The following LRRIQ1 variants were observed in gnomAD, a reference collection of about 807,000 sequenced individuals.
The protein encoded by LRRIQ1 is leucine-rich repeat- and IQ domain-containing protein 1.
A neutral mutation model predicts 211.9 loss-of-function variants in LRRIQ1; 210 were observed. That is an observed-to-expected ratio of 0.99 (90% confidence interval 0.89 to 1.11). The LOEUF is 1.11. Among genes scored for constraint, LRRIQ1 ranks in the 50% most tolerant of loss-of-function variants. The pLI is 0.00. For missense variants in LRRIQ1, 2,136 were observed against 1,939.5 expected (o/e 1.10, Z -1.90); for synonymous variants, 699 against 650.1 (o/e 1.08, Z -1.14).
intron 1 of LRRIQ1, among the ~76,000 whole-genome samples, chr12:85,037,564 T>C (rs1395881103): frequency 6.6e-6 from 1 of 151,786 alleles, no homozygotes; most frequent in Non-Finnish European, 1.5e-5. Context: ...GTGGAAGTTA[T>C]GGGTAGAACT....
intron 1 of LRRIQ1, among the ~76,000 whole-genome samples, chr12:85,036,668 C>A (rs1045874116): frequency 4.3e-4 from 65 of 152,222 alleles, no homozygotes; most frequent in African/African-American, 1.6e-3. Flanking sequence ...CCCCACAAAC[C>A]AATTGACGTT....
chr12:85,226,301 C>T (rs1044347049), intron 24 of LRRIQ1, among the ~76,000 whole-genome samples: 2 of 152,054 alleles, frequency 1.3e-5, no homozygotes, highest in Admixed American at 6.6e-5. Flanking sequence ...CTCTCCATAT[C>T]AGGAGTAGGT....
chr12:85,263,205 T>C (rs1593037810), exon 2 of LRRIQ1: 2 of 306,018 alleles, frequency 6.5e-6, no homozygotes, highest in East Asian at 1.7e-4. Flanking sequence ...TGTTTTCTAG[T>C]GGAGCTATCT....
chr12:85,124,512 GA>G lies in LRRIQ1; in HGVS notation c.4006del (p.Ile1336LeufsTer6). ...GAATCACCAAAATATTGAGCCTAGT[GA>G]AAAAATGTAAGATATATAAATAATG... is the stretch of plus-strand genomic sequence containing the variant. ...LRNHQNIEPS[E>X]KIMAAVVIQS... is the part of the protein sequence containing the mutation. On this transcript the variant is annotated frameshift_variant, in exon 17 of 27. Transcript: ENST00000393217. LOFTEE classifies it high-confidence loss of function. 1 of 1,604,928 alleles carries G rather than the reference GA, an allele frequency of 6.2e-7. No homozygotes were observed. Among genetic ancestry groups the G allele is most frequent in the Non-Finnish European group, 8.5e-7 (1 of 1,175,494 alleles).
intron 1 of LRRIQ1, 26 bp from the exon 2 acceptor site, chr12:85,038,127 A>G (rs758449891): frequency 1.4e-6 from 2 of 1,386,404 alleles, no homozygotes; most frequent in Non-Finnish European, 9.5e-7. Context: ...TTAGTGACAT[A>G]TTAGCCTCTT....
At chr12:85,210,770 T>A (rs1040465882) in intron 24 of LRRIQ1, among the ~76,000 whole-genome samples, 1 of 133,742 alleles carries the variant, frequency 7.5e-6, no homozygotes, top group Non-Finnish European at 1.5e-5. Flanking sequence ...GACTATTTTT[T>A]AAAAAATGTT....
At chr12:85,043,839 C>T (rs1879207682) in intron 3 of LRRIQ1, among the ~76,000 whole-genome samples, 1 of 152,062 alleles carries the variant, frequency 6.6e-6, no homozygotes, top group Non-Finnish European at 1.5e-5. Flanking sequence ...ACTATACACT[C>T]CTGTCTCCCA....
chr12:85,071,762 A>C (rs1421824007), intron 10 of LRRIQ1, among the ~76,000 whole-genome samples: 2 of 152,062 alleles, frequency 1.3e-5, no homozygotes, highest in Non-Finnish European at 2.9e-5. Flanking sequence ...ACATGGTGGC[A>C]GGCCAAAGGG....
In LRRIQ1 at chr12:85,056,815, AG is replaced by A; in HGVS notation, c.2023del (p.Asp675IlefsTer4). The A allele has an allele frequency of 6.2e-7, 1 of 1,611,586 alleles. No individual in the cohort carries two copies. The highest frequency in any genetic ancestry group is 8.5e-7 in the Non-Finnish European group (1 of 1,179,124). ...ATATAGAAGGCAAAAGAAATGACCAAGATTATGTGTTAGGTAGACATGCTCC... is the reference window on the plus strand; with the variant it reads ...ATATAGAAGGCAAAAGAAATGACCAAATTATGTGTTAGGTAGACATGCTCC... ...INIEGKRNDQ[D>X]YVLGRHAPCE... On this transcript the variant is annotated frameshift_variant, in exon 8 of 27. Coordinates refer to ENST00000393217, the MANE Select transcript of LRRIQ1 (RefSeq NM_001079910.2). LOFTEE classifies it high-confidence loss of function.
chr12:85,146,962 A>G (rs1176375236), intron 19 of LRRIQ1, among the ~76,000 whole-genome samples: 1 of 151,780 alleles, frequency 6.6e-6, no homozygotes, highest in Non-Finnish European at 1.5e-5. Flanking sequence ...ATCATTGCCT[A>G]GGAAGTGACT....
In LRRIQ1 at chr12:85,056,212, A is replaced by G; in HGVS notation, c.1419A>G (p.Thr473=). ...TAAAAGAATCTATATCAAGCCAAAC[A>G]ATTCTGGCAGATTTTAAAATGGAAG... is the stretch of plus-strand genomic sequence containing the variant. The part of the protein sequence containing the change: ...VKLKESISSQ[T]ILADFKMEEK... Residue 473 remains threonine (T), a synonymous_variant, in exon 8 of 27, where the codon ACA becomes ACG. Coordinates refer to ENST00000393217, the MANE Select transcript of LRRIQ1 (RefSeq NM_001079910.2). 2 of 1,571,518 alleles carry G rather than the reference A, an allele frequency of 1.3e-6. No homozygotes were observed. Among genetic ancestry groups the G allele is most frequent in the Non-Finnish European group, 1.7e-6 (2 of 1,168,344 alleles).
chr12:85,085,040 T>A (rs552776155), intron 11 of LRRIQ1, among the ~76,000 whole-genome samples: 12 of 152,202 alleles, frequency 7.9e-5, no homozygotes, highest in Non-Finnish European at 1.5e-4. Flanking sequence ...ATTATGGTTG[T>A]AACATTTATT....
chr12:85,179,399 G>A lies in LRRIQ1; in HGVS notation c.4822+18685G>A, dbSNP rs528274391. On this transcript the variant is annotated intron_variant, in intron 24 of 26. Transcript: ENST00000393217. ...TGGTTTGTGAAGACATTGCAGTAAA[G>A]AAGTAGATGATAGCATTTGCAAGAT... Among the ~76,000 whole-genome samples the A allele has an allele frequency of 5.6e-4, 85 of 152,066 alleles. No homozygotes were observed. The South Asian group carries it at 0.017, about 30-fold the overall frequency.
intron 24 of LRRIQ1, among the ~76,000 whole-genome samples, chr12:85,203,827 C>T (rs925534411): frequency 1.1e-4 from 17 of 152,098 alleles, no homozygotes; most frequent in African/African-American, 4.1e-4. Context: ...GAGGAATTTG[C>T]AGCCTGACAA....
intron 24 of LRRIQ1, among the ~76,000 whole-genome samples, chr12:85,210,624 G>A (rs917441898): frequency 5.3e-5 from 8 of 152,044 alleles, no homozygotes; most frequent in South Asian, 2.1e-4. Context: ...TACTATAGTC[G>A]GAATTCTAAT....
chr12:85,104,130 T>C, intron 14 of LRRIQ1, 53 bp downstream of exon 14: 1 of 941,108 alleles, frequency 1.1e-6, no homozygotes. Flanking sequence ...ACTTTCTGTT[T>C]CAAATATGAT....
chr12:85,261,765 T>TTTTATTTATTTA (rs375693906), intron 1 of LRRIQ1, among the ~76,000 whole-genome samples: 6,233 of 139,612 alleles, frequency 0.045, 179 homozygotes, highest in East Asian at 0.14. Context: ...TTTTTGTTTA[T>TTTTATTTATTTA]TTTATTTATT....
intron 24 of LRRIQ1, among the ~76,000 whole-genome samples, chr12:85,212,781 T>TAGAGAGAGAGAGAGAGAGAAAG (rs1419331380): frequency 6.9e-6 from 1 of 145,222 alleles, no homozygotes; most frequent in African/African-American, 2.6e-5. Context: ...ATATTTTATA[T>TAGAGAGAGAGAGAGAGAGAAAG]ATATATAGAG....
chr12:85,094,565 C>CT (rs1885695906), intron 11 of LRRIQ1, among the ~76,000 whole-genome samples: 1 of 151,846 alleles, frequency 6.6e-6, no homozygotes, highest in Admixed American at 6.6e-5. Flanking sequence ...TGACTTTCTT[C>CT]TTTTTGCTTA....
Sources: gnomAD v4.1 joint callset for allele counts (sites outside exome capture counted in the v4.1 genomes callset) on GRCh38, gnomAD v4.1.1 for gene constraint, MANE v1.5 for transcripts, NCBI Gene and HGNC (gene_info 2026-07-23, HGNC 2026-07-21) for gene names.